LRRTM4: variants seen among roughly 807,000 people sequenced by gnomAD.
The protein encoded by LRRTM4 is leucine rich repeat transmembrane neuronal 4.
In LRRTM4, 25 loss-of-function variants were observed where a neutral mutation model predicts 47.6. The ratio of observed to expected loss-of-function variants is 0.53; its 90% CI spans 0.38 to 0.73. LRRTM4 has a LOEUF of 0.73. LRRTM4 is among the 30% of genes least tolerant of loss of function. The pLI is 0.00. For synonymous variants in LRRTM4, 311 were observed against 269.5 expected, an observed-to-expected ratio of 1.15 and a Z score of -1.51; for missense variants, 638 against 713.4, an observed-to-expected ratio of 0.89 and a Z score of 1.20.
chr2:77,461,578 T>C (rs1387995083), intron 3 of LRRTM4, among the ~76,000 whole-genome samples: 1 of 152,144 alleles, frequency 6.6e-6, no homozygotes, highest in East Asian at 1.9e-4. Flanking sequence ...GAATATCATA[T>C]TTTCAATAAC....
chr2:77,088,168 T>C (rs955392781), intron 3 of LRRTM4, among the ~76,000 whole-genome samples: 2 of 152,204 alleles, frequency 1.3e-5, no homozygotes, highest in Admixed American at 6.5e-5. Context: ...TTCTGCTGTT[T>C]GTCAAAGTTT....
chr2:76,929,695 G>T (rs1674703840), intron 3 of LRRTM4, among the ~76,000 whole-genome samples: 1 of 152,092 alleles, frequency 6.6e-6, no homozygotes. Context: ...ACAGGATTAT[G>T]ACAAAGCCCT....
intron 3 of LRRTM4, among the ~76,000 whole-genome samples, chr2:76,956,239 G>T (rs1278084230): frequency 6.6e-6 from 1 of 151,692 alleles, no homozygotes; most frequent in Non-Finnish European, 1.5e-5. Context: ...TGGCATAATG[G>T]CAAGTGTCTT....
chr2:76,855,987 T>C (rs1672137397), intron 3 of LRRTM4, among the ~76,000 whole-genome samples: 1 of 152,130 alleles, frequency 6.6e-6, no homozygotes, highest in Admixed American at 6.5e-5. Context: ...TTCAAGGAAG[T>C]ATAAATTGGC....
At chr2:76,821,398 A>G (rs1573167831) in intron 3 of LRRTM4, among the ~76,000 whole-genome samples, 1 of 151,702 alleles carries the variant, frequency 6.6e-6, no homozygotes, top group Non-Finnish European at 1.5e-5. Context: ...TATTATGTAC[A>G]CTTGAGGACA....
At chr2:77,447,002 G>A (rs1449818880) in intron 3 of LRRTM4, among the ~76,000 whole-genome samples, 1 of 71,960 alleles carries the variant, frequency 1.4e-5, no homozygotes, top group Non-Finnish European at 2.8e-5. Context: ...AATAAAGGTG[G>A]AGGCAGTAGA....
chr2:77,151,317 C>A (rs1357578454), intron 3 of LRRTM4, among the ~76,000 whole-genome samples: 2 of 152,056 alleles, frequency 1.3e-5, no homozygotes, highest in Non-Finnish European at 2.9e-5. Context: ...AACAATAACT[C>A]CCCATTCCCC....
At position 77,254,547 on chromosome 2, in the gene LRRTM4, T is replaced by C. The variant is rs963745227; in HGVS notation, c.1551+263771A>G. On this transcript the variant is annotated intron_variant, in intron 3 of 3. Coordinates refer to ENST00000409884, the MANE Select transcript of LRRTM4 (RefSeq NM_001134745.3). ...GTAGATAAAATGGATCTTTCACTTTTCTATTGAGTTTTCTATATTATTTTT... is the reference window on the plus strand; with the variant it reads ...GTAGATAAAATGGATCTTTCACTTTCCTATTGAGTTTTCTATATTATTTTT... Among the ~76,000 whole-genome samples the C allele has an allele frequency of 4.6e-5, 7 of 152,048 alleles. No homozygotes were observed. The East Asian group carries it at 1.4e-3, about 29-fold the overall frequency.
At chr2:77,189,022 A>G (rs747151000) in intron 3 of LRRTM4, among the ~76,000 whole-genome samples, 13 of 152,158 alleles carry the variant, frequency 8.5e-5, no homozygotes, top group Non-Finnish European at 1.5e-4. Context: ...TTAAACAGCT[A>G]ATAAGTGGAA....
chr2:76,937,183 G>C (rs1459906075), intron 3 of LRRTM4, among the ~76,000 whole-genome samples: 1 of 151,962 alleles, frequency 6.6e-6, no homozygotes, highest in African/African-American at 2.4e-5. Flanking sequence ...CATATAATGA[G>C]AATGGTACTC....
At chr2:77,288,809 A>G (rs1676735689) in intron 3 of LRRTM4, among the ~76,000 whole-genome samples, 1 of 152,054 alleles carries the variant, frequency 6.6e-6, no homozygotes, top group South Asian at 2.1e-4. Flanking sequence ...CTTTCTTGCA[A>G]TTAGAGATAA....
chr2:77,388,553 AT>A (rs1173384167), intron 3 of LRRTM4, among the ~76,000 whole-genome samples: 2 of 151,778 alleles, frequency 1.3e-5, no homozygotes, highest in African/African-American at 4.8e-5. Flanking sequence ...GAAATTTATA[AT>A]TTTTTTTCCT....
At chr2:77,144,421 C>CA (rs756446254) in intron 3 of LRRTM4, among the ~76,000 whole-genome samples, 78 of 137,708 alleles carry the variant, frequency 5.7e-4, no homozygotes, top group South Asian at 6.9e-4. Flanking sequence ...TGCATGGGGT[C>CA]AAAAAAAAAA....
At chr2:77,068,114 C>A (rs1056717540) in intron 3 of LRRTM4, among the ~76,000 whole-genome samples, 2 of 152,032 alleles carry the variant, frequency 1.3e-5, no homozygotes, top group African/African-American at 4.8e-5. Flanking sequence ...TTTCATTTTT[C>A]ATAAATATAG....
intron 3 of LRRTM4, among the ~76,000 whole-genome samples, chr2:77,405,009 T>C (rs572855615): frequency 1.3e-5 from 2 of 152,228 alleles, no homozygotes; most frequent in African/African-American, 4.8e-5. Context: ...TAGGTAAATG[T>C]GATAGTCATT....
chr2:77,279,531 G>A (rs1304664893), intron 3 of LRRTM4, among the ~76,000 whole-genome samples: 1 of 151,764 alleles, frequency 6.6e-6, no homozygotes, highest in Non-Finnish European at 1.5e-5. Flanking sequence ...ATAAAACTAT[G>A]GGATAACATG....
intron 3 of LRRTM4, among the ~76,000 whole-genome samples, chr2:76,992,675 A>G (rs1211646741): frequency 2.0e-5 from 3 of 151,750 alleles, no homozygotes; most frequent in Admixed American, 1.3e-4. Flanking sequence ...GGAAGAATCA[A>G]TATCATTAAG....
intron 3 of LRRTM4, among the ~76,000 whole-genome samples, chr2:77,482,866 T>A (rs1677760393): frequency 6.6e-6 from 1 of 152,038 alleles, no homozygotes; most frequent in Non-Finnish European, 1.5e-5. Context: ...CTCACACCTG[T>A]AATCCCAGCA....
At chr2:76,807,477 T>TATATATAC (rs1670556070) in intron 3 of LRRTM4, among the ~76,000 whole-genome samples, 1 of 133,328 alleles carries the variant, frequency 7.5e-6, no homozygotes, top group African/African-American at 3.1e-5. Context: ...TATACATATA[T>TATATATAC]ATATATATAC....
Sources: gnomAD v4.1 joint callset for allele counts (sites outside exome capture counted in the v4.1 genomes callset) on GRCh38, gnomAD v4.1.1 for gene constraint, MANE v1.5 for transcripts, NCBI Gene and HGNC (gene_info 2026-07-23, HGNC 2026-07-21) for gene names.